The following SUGCT variants were observed in gnomAD, a reference collection of about 807,000 sequenced individuals.
The protein encoded by SUGCT is succinyl-CoA:glutarate-CoA transferase, also known as succinyl-CoA:glutarate CoA-transferase.
Under a neutral mutation model 55.0 loss-of-function variants are expected in SUGCT, and 41 were observed. The observed-to-expected ratio is 0.74, with a 90% CI of 0.58 to 0.97. SUGCT has a LOEUF of 0.97. SUGCT is among the 50% of genes least tolerant of loss of function. The pLI, the probability that SUGCT is intolerant of heterozygous loss-of-function variation, is 0.00. For missense variants in SUGCT, 568 were observed against 547.8 expected (o/e 1.04, Z -0.37); for synonymous variants, 187 against 200.4 (o/e 0.93, Z 0.56).
chr7:40,717,052 A>G (rs1245279938), intron 12 of SUGCT, among the ~76,000 whole-genome samples: 1 of 152,234 alleles, frequency 6.6e-6, no homozygotes. Flanking sequence ...ATGTAATTTT[A>G]TACAATATTT....
intron 13 of SUGCT, among the ~76,000 whole-genome samples, chr7:40,849,062 C>G (rs1349406098): frequency 1.3e-5 from 2 of 152,144 alleles, no homozygotes; most frequent in Non-Finnish European, 1.5e-5. Flanking sequence ...TCTTACTACA[C>G]TACTAAGCCT....
At chr7:40,730,063 G>A (rs1003577449) in intron 12 of SUGCT, among the ~76,000 whole-genome samples, 5 of 152,092 alleles carry the variant, frequency 3.3e-5, no homozygotes, top group African/African-American at 1.2e-4. Context: ...ATGAAGCAGG[G>A]GAATGACGTG....
At chr7:40,742,918 A>C (rs1787540929) in intron 12 of SUGCT, among the ~76,000 whole-genome samples, 1 of 152,220 alleles carries the variant, frequency 6.6e-6, no homozygotes, top group African/African-American at 2.4e-5. Context: ...AATAAAGAAT[A>C]TTACTCCAGT....
At chr7:41,004,559 C>G in the SUGCT span, among the ~76,000 whole-genome samples, 3,219 of 152,290 alleles carry the variant, frequency 0.021, 108 homozygotes, top group African/African-American at 0.073. Context: ...AATGGGACAT[C>G]ATGGGCACAA....
At chr7:40,989,846 T>C in the SUGCT span, among the ~76,000 whole-genome samples, 30 of 152,318 alleles carry the variant, frequency 2.0e-4, no homozygotes, top group African/African-American at 7.2e-4. Flanking sequence ...AGAAATTTAG[T>C]CACTTCTTCA....
intron 12 of SUGCT, among the ~76,000 whole-genome samples, chr7:40,738,001 A>G (rs913892620): frequency 3.3e-5 from 5 of 151,716 alleles, no homozygotes; most frequent in Non-Finnish European, 5.9e-5. Flanking sequence ...GGAGATCAAG[A>G]CCATCCTGGC....
At chr7:40,268,274 C>A (rs910701664) in intron 7 of SUGCT, among the ~76,000 whole-genome samples, 2 of 152,204 alleles carry the variant, frequency 1.3e-5, no homozygotes, top group African/African-American at 4.8e-5. Context: ...TGCCTCCGCC[C>A]AGCCCCTGGC....
intron 13 of SUGCT, among the ~76,000 whole-genome samples, chr7:40,815,662 G>T (rs1236729774): frequency 6.6e-6 from 1 of 152,204 alleles, no homozygotes; most frequent in African/African-American, 2.4e-5. Flanking sequence ...TGCATAGGAA[G>T]GGTGGGGTAG....
chr7:40,466,209 T>C (rs961473273), intron 11 of SUGCT, among the ~76,000 whole-genome samples: 1 of 152,176 alleles, frequency 6.6e-6, no homozygotes, highest in Non-Finnish European at 1.5e-5. Flanking sequence ...GCCTGGCTTC[T>C]ATAGCTTGAA....
intron 12 of SUGCT, among the ~76,000 whole-genome samples, chr7:40,608,582 T>C (rs1296871387): frequency 6.6e-6 from 1 of 152,224 alleles, no homozygotes; most frequent in Non-Finnish European, 1.5e-5. Context: ...TTTCAATTTA[T>C]GGGATTACTC....
intron 8 of SUGCT, among the ~76,000 whole-genome samples, chr7:40,281,059 T>C (rs1035900317): frequency 5.9e-5 from 9 of 152,214 alleles, no homozygotes; most frequent in African/African-American, 2.2e-4. Flanking sequence ...TGCATTGGTA[T>C]AAAGATGAAG....
chr7:40,809,027 A>G (rs1791258008), intron 13 of SUGCT, among the ~76,000 whole-genome samples: 1 of 152,172 alleles, frequency 6.6e-6, no homozygotes, highest in Non-Finnish European at 1.5e-5. Flanking sequence ...AAACTTGGGA[A>G]GTTGGACTGG....
At chr7:40,899,002 C>A in the SUGCT span, among the ~76,000 whole-genome samples, 2 of 152,124 alleles carry the variant, frequency 1.3e-5, no homozygotes, top group Admixed American at 6.5e-5. Context: ...GGTCTACAGC[C>A]ACGTCCGGCT....
chr7:40,262,005 A>G (rs1273204344), intron 7 of SUGCT, among the ~76,000 whole-genome samples: 2 of 152,186 alleles, frequency 1.3e-5, no homozygotes, highest in African/African-American at 4.8e-5. Flanking sequence ...GTCTTACTCT[A>G]TTTAAACTCA....
At chr7:40,479,942 T>G (rs746668158) in intron 11 of SUGCT, among the ~76,000 whole-genome samples, 1 of 152,166 alleles carries the variant, frequency 6.6e-6, no homozygotes. Flanking sequence ...ATATGGTTTG[T>G]AAATATTTTC....
chr7:40,719,000 C>G (rs1193134534), intron 12 of SUGCT, among the ~76,000 whole-genome samples: 1 of 152,180 alleles, frequency 6.6e-6, no homozygotes, highest in Non-Finnish European at 1.5e-5. Context: ...TGTAACATTC[C>G]TAAAATACAA....
At chr7:40,913,184 G>A in the SUGCT span, among the ~76,000 whole-genome samples, 34 of 151,922 alleles carry the variant, frequency 2.2e-4, no homozygotes, top group African/African-American at 8.2e-4. Context: ...CTAATTTTTT[G>A]TACTTTTAGT....
intron 9 of SUGCT, among the ~76,000 whole-genome samples, chr7:40,358,811 A>G (rs1798006684): frequency 6.6e-6 from 1 of 152,188 alleles, no homozygotes; most frequent in Admixed American, 6.5e-5. Flanking sequence ...AAAACCAAAG[A>G]AGCTAGTAGC....
the SUGCT span, among the ~76,000 whole-genome samples, chr7:40,877,337 A>G: frequency 6.6e-6 from 1 of 152,174 alleles, no homozygotes. Context: ...ATTATTGGAT[A>G]TTTTCCCCCA....
Sources: gnomAD v4.1 joint callset for allele counts (sites outside exome capture counted in the v4.1 genomes callset) on GRCh38, gnomAD v4.1.1 for gene constraint, MANE v1.5 for transcripts, NCBI Gene and HGNC (gene_info 2026-07-23, HGNC 2026-07-21) for gene names.